ADAMTSL1: variants seen among roughly 807,000 people sequenced by gnomAD.
ADAMTSL1 encodes ADAMTS like 1, also known as ADAMTS-like protein 1.
A neutral mutation model predicts 201.8 loss-of-function variants in ADAMTSL1; 126 were observed. The ratio of observed to expected loss-of-function variants is 0.62; its 90% CI spans 0.54 to 0.72. The LOEUF (loss-of-function observed/expected upper bound fraction) is 0.72, where lower values mean the gene tolerates loss of function less well. Among genes scored for constraint, ADAMTSL1 ranks in the 30% least tolerant of loss-of-function variants. The pLI is 0.00. For missense variants in ADAMTSL1, 2,679 were observed against 2,277.8 expected (o/e 1.18, Z -3.59); for synonymous variants, 1,121 against 903.4 (o/e 1.24, Z -4.32).
chr9:18,039,399 TA>T (rs1563964026), intron 1 of ADAMTSL1, among the ~76,000 whole-genome samples: 1 of 152,144 alleles, frequency 6.6e-6, no homozygotes, highest in African/African-American at 2.4e-5. Context: ...TGACTGTTTT[TA>T]AAAAAATAAT....
chr9:18,072,861 T>C (rs1208286971), intron 1 of ADAMTSL1, among the ~76,000 whole-genome samples: 6 of 152,202 alleles, frequency 3.9e-5, no homozygotes, highest in Non-Finnish European at 5.9e-5. Flanking sequence ...TAATATCCTT[T>C]GTCTTTTCCA....
intron 1 of ADAMTSL1, among the ~76,000 whole-genome samples, chr9:18,141,335 C>T (rs895657977): frequency 2.6e-5 from 4 of 152,156 alleles, no homozygotes; most frequent in Admixed American, 1.3e-4. Context: ...GCCCAGGGAA[C>T]TATAGGCTGG....
chr9:18,056,742 G>A (rs1822206766), intron 1 of ADAMTSL1, among the ~76,000 whole-genome samples: 1 of 152,082 alleles, frequency 6.6e-6, no homozygotes, highest in South Asian at 2.1e-4. Context: ...AACCTCAGTG[G>A]GGTAACGTCC....
chr9:18,178,877 A>G (rs994619271), intron 2 of ADAMTSL1, among the ~76,000 whole-genome samples: 3 of 151,990 alleles, frequency 2.0e-5, no homozygotes, highest in African/African-American at 7.2e-5. Context: ...ACCCATTTGT[A>G]CATCACCATC....
At chr9:18,182,195 G>A (rs569841933) in intron 2 of ADAMTSL1, among the ~76,000 whole-genome samples, 2 of 150,952 alleles carry the variant, frequency 1.3e-5, no homozygotes, top group South Asian at 4.2e-4. Context: ...GCTAGATGAC[G>A]AGTTAGTGGG....
At chr9:18,155,693 A>C (rs1227819000) in intron 1 of ADAMTSL1, among the ~76,000 whole-genome samples, 1 of 152,058 alleles carries the variant, frequency 6.6e-6, no homozygotes, top group African/African-American at 2.4e-5. Flanking sequence ...CTGAGATGTC[A>C]GTGCAGAGAG....
intron 10 of ADAMTSL1, among the ~76,000 whole-genome samples, chr9:18,678,595 C>G (rs1055016728): frequency 3.3e-5 from 5 of 152,146 alleles, no homozygotes; most frequent in African/African-American, 7.2e-5. Context: ...AGTGCTGAGA[C>G]AGAAATAAAT....
At chr9:18,197,518 T>C (rs1473698939) in intron 2 of ADAMTSL1, among the ~76,000 whole-genome samples, 2 of 120,908 alleles carry the variant, frequency 1.7e-5, no homozygotes, top group Non-Finnish European at 3.4e-5. Context: ...GTGATTTTTG[T>C]ACATTGATTT....
chr9:18,029,138 T>G (rs1820822298), intron 1 of ADAMTSL1, among the ~76,000 whole-genome samples: 1 of 152,180 alleles, frequency 6.6e-6, no homozygotes, highest in Admixed American at 6.5e-5. Flanking sequence ...CTGAAGTTGC[T>G]TATCAGCTTA....
At chr9:18,333,682 A>G (rs1835121053) in intron 2 of ADAMTSL1, among the ~76,000 whole-genome samples, 1 of 152,238 alleles carries the variant, frequency 6.6e-6, no homozygotes, top group Non-Finnish European at 1.5e-5. Flanking sequence ...ATTTGGTCAG[A>G]GAATTCCCCA....
intron 19 of ADAMTSL1, among the ~76,000 whole-genome samples, chr9:18,787,727 C>G (rs1821785228): frequency 6.6e-6 from 1 of 152,154 alleles, no homozygotes; most frequent in Admixed American, 6.5e-5. Flanking sequence ...AGTGTGAGAG[C>G]AGCCATAGAT....
intron 2 of ADAMTSL1, among the ~76,000 whole-genome samples, chr9:18,178,851 G>A (rs1012192619): frequency 5.9e-5 from 9 of 152,094 alleles, no homozygotes; most frequent in Non-Finnish European, 1.0e-4. Flanking sequence ...AAACAGAAAG[G>A]ACATCCACAC....
At position 18,510,500 on chromosome 9, in the gene ADAMTSL1, T is replaced by G. The variant is rs571548179; in HGVS notation, c.191+5544T>G. On this transcript the variant is annotated intron_variant, in intron 2 of 28. Coordinates refer to ENST00000380548, the MANE Select transcript of ADAMTSL1 (RefSeq NM_001040272.6). ...AACATACTGAGTAGAATCCTTTCCT[T>G]GGTTTCTCCCCTACCCTTTTTCTGA... is the stretch of plus-strand genomic sequence containing the variant. Among the ~76,000 whole-genome samples the G allele has an allele frequency of 9.5e-3, 1,450 of 152,268 alleles. 23 individuals carry two copies. The highest frequency in any genetic ancestry group is 0.033 in the African/African-American group (1,367 of 41,540).
At chr9:18,802,215 G>A (rs1172190794) in intron 20 of ADAMTSL1, among the ~76,000 whole-genome samples, 2 of 152,150 alleles carry the variant, frequency 1.3e-5, no homozygotes, top group African/African-American at 4.8e-5. Flanking sequence ...GGTTGAGGCT[G>A]CAGTGAGCCA....
chr9:18,120,618 C>CAT (rs759387783), intron 1 of ADAMTSL1, among the ~76,000 whole-genome samples: 16 of 152,026 alleles, frequency 1.1e-4, no homozygotes, highest in Non-Finnish European at 2.2e-4. Flanking sequence ...ACATTGTGTC[C>CAT]ATATATGCAT....
chr9:18,150,200 T>C lies in ADAMTSL1; in HGVS notation c.88-13662T>C, dbSNP rs1328634227. Among the ~76,000 whole-genome samples the C allele has an allele frequency of 2.0e-5, 3 of 151,980 alleles. No individual in the cohort carries two copies. In the East Asian group the frequency reaches 5.8e-4, roughly 29 times the overall value. On this transcript the variant is annotated intron_variant, in intron 1 of 29. Transcript: ENST00000680146. ...CGGTTATGAAAAAGATTTCCAGGAA[T>C]AATTGGTAGAATAAGATAGTAGTGG...
chr9:18,850,948 A>G (rs907956086), intron 23 of ADAMTSL1, among the ~76,000 whole-genome samples: 6 of 152,200 alleles, frequency 3.9e-5, no homozygotes, highest in Admixed American at 3.9e-4. Flanking sequence ...GCCATATGCA[A>G]TGTGCCCAGT....
At chr9:18,777,990 G>T in intron 19 of ADAMTSL1, 84 bp downstream of exon 19, 1 of 1,486,514 alleles carries the variant, frequency 6.7e-7, no homozygotes, top group Admixed American at 2.4e-5. Flanking sequence ...CATTCTTCAA[G>T]GTGTTTCCAG....
chr9:18,499,026 A>G (rs1489897970), intron 1 of ADAMTSL1, among the ~76,000 whole-genome samples: 1 of 152,248 alleles, frequency 6.6e-6, no homozygotes, highest in Non-Finnish European at 1.5e-5. Flanking sequence ...AAAGGGAGAC[A>G]GGTACCCAAA....
Sources: allele counts gnomAD v4.1 joint callset (sites outside exome capture counted in the v4.1 genomes callset), GRCh38; gene constraint gnomAD v4.1.1; transcripts MANE v1.5; gene names NCBI Gene and HGNC (gene_info 2026-07-23, HGNC 2026-07-21).